Variants in ZNF16 observed in about 807,000 individuals in gnomAD.
ZNF16 encodes zinc finger protein 16, also known as zinc finger protein KOX9.
In ZNF16, 7 loss-of-function variants were observed where a neutral mutation model predicts 9.0. That is an observed-to-expected ratio of 0.78 (90% CI 0.44 to 1.47). ZNF16 has a LOEUF of 1.47. ZNF16 is among the 40% of genes most tolerant of loss of function. The pLI is 0.01. For missense variants in ZNF16, 830 were observed against 854.2 expected (o/e 0.97, Z 0.35); for synonymous variants, 312 against 301.5 (o/e 1.03, Z -0.36).
Position 144,931,914 on chromosome 8 carries a change from C to T in ZNF16, c.873G>A (p.Arg291=), listed in dbSNP as rs778147694. Residue 291 remains arginine (R), a synonymous_variant, in exon 3 of 3, where the codon AGG becomes AGA. Transcript: ENST00000394909. ...SRHQSHHSSE[R]PYMCNECGKA... ...TTCCACATTCATTACACATATAAGGCCTCTCACTGCTGTGGTGACTCTGAT... is the reference window on the plus strand; with the variant it reads ...TTCCACATTCATTACACATATAAGGTCTCTCACTGCTGTGGTGACTCTGAT... The T allele has an allele frequency of 3.1e-6, 5 of 1,614,126 alleles. No homozygotes were observed. Among genetic ancestry groups the T allele is most frequent in the Middle Eastern group, 1.6e-4 (1 of 6,062 alleles).
Position 144,930,432 on chromosome 8 carries a change from A to T in ZNF16, c.*306T>A, listed in dbSNP as rs1286599256. On this transcript the variant is annotated 3_prime_UTR_variant, in exon 3 of 3. Transcript: ENST00000394909. Reference sequence around the variant, plus strand: ...ACTTTTTTGGTAACTTTTCATTATAATAATAAACTCTATTCATGAATATGC... The same window carrying T: ...ACTTTTTTGGTAACTTTTCATTATATTAATAAACTCTATTCATGAATATGC... 6.5e-6 allele frequency: 2 copies of T among 305,614 alleles called. No individual in the cohort carries two copies. Among genetic ancestry groups the T allele is most frequent in the Non-Finnish European group, 1.2e-5 (2 of 166,722 alleles). The allele number at this position is 305,614 out of a possible 1,614,324, so 18.9% of individuals were successfully genotyped here.
At chr8:144,944,053 GGTT>G (rs1427914786) in intron 2 of ZNF16, 1 of 148,332 alleles carries the variant, frequency 6.7e-6, no homozygotes, top group Non-Finnish European at 1.5e-5. Flanking sequence ...AGTTCTCTAT[GGTT>G]TTTTTTTTTC....
At chr8:144,947,448 T>C (rs1193852740) in intron 1 of ZNF16, among the ~76,000 whole-genome samples, 2 of 152,100 alleles carry the variant, frequency 1.3e-5, no homozygotes, top group Non-Finnish European at 2.9e-5. Flanking sequence ...ACATTCACAA[T>C]GCTCTGAAGC....
intron 2 of ZNF16, among the ~76,000 whole-genome samples, chr8:144,940,073 A>G (rs1833766438): frequency 6.6e-6 from 1 of 151,684 alleles, no homozygotes; most frequent in African/African-American, 2.4e-5. Flanking sequence ...AATCTGACTT[A>G]TATCTTTCTT....
In ZNF16 at chr8:144,931,156, G is replaced by C; in HGVS notation, c.1631C>G (p.Pro544Arg). The change falls in exon 3 of 3, where the codon CCC (proline) becomes CGC (arginine). Residue 544 changes from proline (P) to arginine (R), a missense_variant. Pro to Arg is a moderately radical substitution (Grantham distance 103, BLOSUM62 -2). Coordinates refer to ENST00000394909, the MANE Select transcript of ZNF16 (RefSeq NM_006958.3). ...LHQRVHTGEK[P>R]YECTECGKTF... ...TTTTCCACATTCAGTACATTCATAG[G>C]GCTTCTCTCCAGTGTGGACTCGCTG... The C allele has an allele frequency of 6.2e-7, 1 of 1,614,240 alleles. No individual in the cohort carries two copies. Among genetic ancestry groups the C allele is most frequent in the Non-Finnish European group, 8.5e-7 (1 of 1,180,046 alleles).
rs941117252 is a variant in ZNF16 at position 144,950,777 on chromosome 8, T to C, written c.-10+20A>G. ...ACAACCAGACGCAGGGTCCCAGGCG[T>C]GGAGCTTCGCGGAACTAACCTCAAC... is the stretch of plus-strand genomic sequence containing the variant. On this transcript the variant is annotated intron_variant, in intron 1 of 2. Coordinates refer to ENST00000394909, the MANE Select transcript of ZNF16 (RefSeq NM_006958.3). The C allele has an allele frequency of 6.6e-6, 1 of 152,148 alleles. No homozygotes were observed. The highest frequency in any genetic ancestry group is 1.5e-5 in the Non-Finnish European group (1 of 68,058). 9.4% of individuals were successfully genotyped at this position (152,148 alleles called of 1,614,324 possible). A position where few individuals can be genotyped will look rare whatever the true frequency, so the allele number is the denominator to read the frequency against.
chr8:144,943,164 T>A (rs1258684901), intron 2 of ZNF16, among the ~76,000 whole-genome samples: 1 of 152,222 alleles, frequency 6.6e-6, no homozygotes, highest in Non-Finnish European at 1.5e-5. Flanking sequence ...GCAGTTTAAC[T>A]AAGCCGTCCC....
chr8:144,931,317 T>A lies in ZNF16; in HGVS notation c.1470A>T (p.Arg490Ser), dbSNP rs1359155784. 2 of 1,613,486 alleles carry A rather than the reference T, an allele frequency of 1.2e-6. No individual in the cohort carries two copies. The highest frequency in any genetic ancestry group is 2.2e-5 in the South Asian group (2 of 91,046). ...QIIHTGEKPY[R>S]CSVCGKAFSH... is the part of the protein sequence containing the mutation. ...TGAAGGCCTTCCCACAGACACTGCA[T>A]CTGTACGGCTTCTCTCCCGTGTGGA... Residue 490 changes from arginine (R) to serine (S), a missense_variant, in exon 3 of 3, where the codon AGA becomes AGT. Physicochemically the swap from Arg to Ser is moderately radical, Grantham distance 110. Transcript: ENST00000394909.
At chr8:144,940,310 G>C (rs1261529800) in intron 2 of ZNF16, among the ~76,000 whole-genome samples, 2 of 152,018 alleles carry the variant, frequency 1.3e-5, no homozygotes, top group African/African-American at 4.8e-5. Context: ...CGAACTCCTG[G>C]GCTTAAGCGA....
At chr8:144,934,737 G>A (rs1344656091) in intron 2 of ZNF16, among the ~76,000 whole-genome samples, 1 of 152,150 alleles carries the variant, frequency 6.6e-6, no homozygotes, top group Non-Finnish European at 1.5e-5. Flanking sequence ...GATGAAGAAG[G>A]CTCTGGCAAC....
rs1833593514 is a variant in ZNF16, at chr8:144,932,929, A to G, written c.197-339T>C. On this transcript the variant is annotated intron_variant, in intron 2 of 2. Coordinates refer to ENST00000394909, the MANE Select transcript of ZNF16 (RefSeq NM_006958.3). This position sits in a 1 kb window ranked among gnomAD's most constrained non-coding sequence, Gnocchi z 5.0. ...TCTTCCTCGACACCCACACCAAACC[A>G]CTGGCAAGTCCTGTCAGCTCTACCT... is the stretch of plus-strand genomic sequence containing the variant. Among the ~76,000 whole-genome samples the G allele has an allele frequency of 6.6e-6, 1 of 152,072 alleles. No individual in the cohort carries two copies. Among genetic ancestry groups the G allele is most frequent in the African/African-American group, 2.4e-5 (1 of 41,408 alleles).
chr8:144,931,077 C>G lies in ZNF16; in HGVS notation c.1710G>C (p.Leu570=), dbSNP rs143244970. 23 of 1,614,110 alleles carry G rather than the reference C, an allele frequency of 1.4e-5. No homozygotes were observed. Among genetic ancestry groups the G allele is most frequent in the Non-Finnish European group, 1.7e-5 (20 of 1,180,044 alleles). ...LIQHQRIHNG[L]KPHECNQCGK... Reference sequence around the variant, plus strand: ...CACACTGGTTACATTCATGGGGCTTCAGCCCATTATGAATCCTCTGATGCT... The same window carrying G: ...CACACTGGTTACATTCATGGGGCTTGAGCCCATTATGAATCCTCTGATGCT... Residue 570 remains leucine (L), a synonymous_variant, in exon 3 of 3, where the codon CTG becomes CTC. Coordinates refer to ENST00000394909, the MANE Select transcript of ZNF16 (RefSeq NM_006958.3).
At chr8:144,939,374 G>A (rs1461895056) in intron 2 of ZNF16, among the ~76,000 whole-genome samples, 1 of 152,064 alleles carries the variant, frequency 6.6e-6, no homozygotes, top group Non-Finnish European at 1.5e-5. Context: ...GGAGGCCGAG[G>A]CGGGTGGATT....
chr8:144,941,517 G>A (rs75981645), intron 2 of ZNF16, among the ~76,000 whole-genome samples: 5,315 of 152,222 alleles, frequency 0.035, 225 homozygotes, highest in African/African-American at 0.1. Flanking sequence ...GACTTCACAT[G>A]TAATTACTGA....
At chr8:144,943,086 C>T (rs950094993) in intron 2 of ZNF16, among the ~76,000 whole-genome samples, 2 of 152,126 alleles carry the variant, frequency 1.3e-5, no homozygotes, top group African/African-American at 4.8e-5. Context: ...TTAATTTCTC[C>T]TTCATTTTGA....
At chr8:144,944,749 T>C (rs538372665) in intron 2 of ZNF16, 4 of 152,350 alleles carry the variant, frequency 2.6e-5, no homozygotes, top group Admixed American at 1.3e-4. Context: ...GGCTTTGCTG[T>C]TTTTGATTGT....
chr8:144,946,579 G>GTCCTGCTGTGGGTCTGTA (rs1833940675), intron 1 of ZNF16, among the ~76,000 whole-genome samples: 1 of 128,678 alleles, frequency 7.8e-6, no homozygotes, highest in South Asian at 2.5e-4. Context: ...GTGGGCCTGT[G>GTCCTGCTGTGGGTCTGTA]TCCTGCTGTG....
intron 1 of ZNF16, 41 bp downstream of exon 1, chr8:144,950,756 C>G (rs1371468345): frequency 6.6e-6 from 1 of 152,208 alleles, no homozygotes; most frequent in East Asian, 1.9e-4. Flanking sequence ...TCAGGGACAA[C>G]CAGACGCAGG....
rs1327932375 is a variant in ZNF16, at chr8:144,932,339, C to G, written c.448G>C (p.Glu150Gln). The G allele has an allele frequency of 8.1e-6, 13 of 1,614,006 alleles. No homozygotes were observed. The highest frequency in any genetic ancestry group is 1.1e-5 in the Non-Finnish European group (13 of 1,180,024). Reference sequence around the variant, plus strand: ...AAACCATTACAGTCCAGATCTTTCTCCCCTAAGGGGCCCCTAAGGAGCCCC... The same window carrying G: ...AAACCATTACAGTCCAGATCTTTCTGCCCTAAGGGGCCCCTAAGGAGCCCC... ...AMGLLRGPLG[E>Q]KDLDCNGFDS... is the part of the protein sequence containing the mutation. Residue 150 changes from glutamate to glutamine, a missense_variant, in exon 3 of 3, where the codon GAG becomes CAG. Coordinates refer to ENST00000394909, the MANE Select transcript of ZNF16 (RefSeq NM_006958.3). This position sits in a 1 kb window ranked among gnomAD's most constrained non-coding sequence, Gnocchi z 5.0.
Sources: gnomAD v4.1 joint callset for allele counts (sites outside exome capture counted in the v4.1 genomes callset) on GRCh38, gnomAD v4.1.1 for gene constraint, Gnocchi (gnomAD v3.1) non-coding constraint, MANE v1.5 for transcripts, NCBI Gene and HGNC (gene_info 2026-07-23, HGNC 2026-07-21) for gene names.